WT1: variants seen among roughly 807,000 people sequenced by gnomAD.
The protein encoded by WT1 is Wilms tumor protein.
In WT1, 8 loss-of-function variants were observed where a neutral mutation model predicts 60.8. That is an observed-to-expected ratio of 0.13 (90% CI 0.08 to 0.24). The LOEUF (loss-of-function observed/expected upper bound fraction) is 0.24, where lower values mean the gene tolerates loss of function less well. Ranked by LOEUF, WT1 falls within the 10% of genes least tolerant of loss-of-function variation. WT1 has a pLI of 1.00. For missense variants in WT1, 568 were observed against 711.8 expected (o/e 0.80, Z 2.30); for synonymous variants, 312 against 297.1 (o/e 1.05, Z -0.52).
intron 3 of WT1, among the ~76,000 whole-genome samples, chr11:32,423,269 G>T (rs1852914193): frequency 6.6e-6 from 1 of 152,354 alleles, no homozygotes; most frequent in African/African-American, 2.4e-5. Flanking sequence ...CAGGGAGAAA[G>T]GTCTCTGCCC....
intron 3 of WT1, among the ~76,000 whole-genome samples, chr11:32,424,023 G>A (rs549590923): frequency 2.6e-5 from 4 of 152,064 alleles, no homozygotes; most frequent in African/African-American, 4.8e-5. Context: ...TTAGCCAGGC[G>A]TGGTGGCACA....
At chr11:32,412,808 C>T (rs1297094077) in intron 5 of WT1, among the ~76,000 whole-genome samples, 1 of 151,732 alleles carries the variant, frequency 6.6e-6, no homozygotes. Context: ...AATACATTCT[C>T]CCATTGGAGG....
chr11:32,429,279 C>T (rs5030157), intron 1 of WT1, among the ~76,000 whole-genome samples: 38,511 of 152,108 alleles, frequency 0.25, 5,871 homozygotes, highest in African/African-American at 0.42. Context: ...CCTCCTCCCC[C>T]CTATGGGACC....
intron 1 of WT1, among the ~76,000 whole-genome samples, chr11:32,432,945 C>T (rs990523600): frequency 2.0e-5 from 3 of 152,242 alleles, no homozygotes; most frequent in Non-Finnish European, 4.4e-5. Context: ...CACATGCAGA[C>T]AGTGCTCTCG....
chr11:32,388,410 A>G lies in WT1; in HGVS notation c.*648T>C, dbSNP rs1307321972. 3 of 234,110 alleles carry G rather than the reference A, an allele frequency of 1.3e-5. No homozygotes were observed. The highest frequency in any genetic ancestry group is 5.6e-5 in the Admixed American group (1 of 17,916). 14.5% of individuals were successfully genotyped at this position (234,110 alleles called of 1,614,324 possible). Reference sequence around the variant, plus strand: ...GTTCACATTGAATTAACTGAATGGTAAAATTCTTTTAGATTTCTATACAGA... The same window carrying G: ...GTTCACATTGAATTAACTGAATGGTGAAATTCTTTTAGATTTCTATACAGA... On this transcript the variant is annotated 3_prime_UTR_variant, in exon 10 of 10. Transcript: ENST00000452863.
At chr11:32,432,221 T>C (rs529983267) in intron 1 of WT1, among the ~76,000 whole-genome samples, 78 of 152,342 alleles carry the variant, frequency 5.1e-4, no homozygotes, top group African/African-American at 1.9e-3. Context: ...ATGGCTAGAC[T>C]GCCCTAGGGA....
chr11:32,403,723 C>T (rs1191206214), intron 5 of WT1, among the ~76,000 whole-genome samples: 3 of 151,710 alleles, frequency 2.0e-5, no homozygotes, highest in Non-Finnish European at 2.9e-5. Context: ...TGCAGGCACC[C>T]GCCACCACGC....
intron 5 of WT1, among the ~76,000 whole-genome samples, chr11:32,403,080 C>G (rs1402818139): frequency 6.6e-6 from 1 of 151,754 alleles, no homozygotes. Flanking sequence ...ATGCAAACCA[C>G]AAACAAAAGA....
chr11:32,411,068 T>TACACACACACACAC (rs10525221), intron 5 of WT1, among the ~76,000 whole-genome samples: 21,150 of 145,550 alleles, frequency 0.15, 2,053 homozygotes, highest in East Asian at 0.45. Flanking sequence ...CCCTCTCCAA[T>TACACACACACACAC]ACACACACAC....
intron 5 of WT1, 27 bp from the exon 6 acceptor site, chr11:32,400,071 C>A (rs1411206670): frequency 8.1e-6 from 13 of 1,612,358 alleles, no homozygotes; most frequent in Non-Finnish European, 1.1e-5. Context: ...GGGAAAAAGG[C>A]TCAGTGTGGC....
At chr11:32,397,011 C>A (rs948058344) in intron 6 of WT1, among the ~76,000 whole-genome samples, 3 of 152,238 alleles carry the variant, frequency 2.0e-5, no homozygotes, top group African/African-American at 7.2e-5. Context: ...CCAGCACAAC[C>A]TTTAATAGTG....
At chr11:32,398,326 C>T (rs1852036025) in intron 6 of WT1, among the ~76,000 whole-genome samples, 1 of 152,154 alleles carries the variant, frequency 6.6e-6, no homozygotes, top group Non-Finnish European at 1.5e-5. Context: ...ACTCAGGTTG[C>T]AGCCATGGAT....
chr11:32,404,074 C>G (rs1852238571), intron 5 of WT1, among the ~76,000 whole-genome samples: 1 of 151,436 alleles, frequency 6.6e-6, no homozygotes, highest in Non-Finnish European at 1.5e-5. Context: ...GAGATCGAGA[C>G]CAGCCTAGCC....
intron 3 of WT1, among the ~76,000 whole-genome samples, chr11:32,425,533 AC>A (rs1407270999): frequency 6.6e-6 from 1 of 152,192 alleles, no homozygotes; most frequent in African/African-American, 2.4e-5. Flanking sequence ...TGGTGCACAG[AC>A]CCAGGTTTAA....
At chr11:32,417,247 G>A (rs753136126) in intron 4 of WT1, among the ~76,000 whole-genome samples, 8 of 152,154 alleles carry the variant, frequency 5.3e-5, no homozygotes, top group Non-Finnish European at 1.5e-5. Flanking sequence ...TAAGATAGTG[G>A]AATGGTTAAC....
At chr11:32,406,425 G>A (rs1158188731) in intron 5 of WT1, among the ~76,000 whole-genome samples, 1 of 152,110 alleles carries the variant, frequency 6.6e-6, no homozygotes, top group African/African-American at 2.4e-5. Context: ...GAGGGATGGT[G>A]TGGCTATAAA....
At chr11:32,402,303 A>G (rs1852182017) in intron 5 of WT1, among the ~76,000 whole-genome samples, 2 of 152,228 alleles carry the variant, frequency 1.3e-5, no homozygotes, top group Non-Finnish European at 2.9e-5. Flanking sequence ...CCCAAAGAAC[A>G]TATGCCCTTC....
intron 5 of WT1, among the ~76,000 whole-genome samples, chr11:32,411,152 A>G (rs1167790600): frequency 6.6e-6 from 1 of 151,548 alleles, no homozygotes; most frequent in Non-Finnish European, 1.5e-5. Flanking sequence ...ACTGTTTCTC[A>G]TTTCCAACTT....
Position 32,410,620 on chromosome 11 carries a change from T to A in WT1, c.1016+5870A>T, listed in dbSNP as rs144984987. 3.5e-3 allele frequency among the ~76,000 whole-genome samples: 534 copies of A among 152,348 alleles called. 2 individuals are homozygous for A. Among genetic ancestry groups the A allele is most frequent in the African/African-American group, 0.012 (506 of 41,584 alleles). ...AGACAACAGATTAATTTTCTTTTCC[T>A]CTTTATAATGTTTTGGTCCCGTCTG... On this transcript the variant is annotated intron_variant, in intron 5 of 9. Transcript: ENST00000452863.
Sources: gnomAD v4.1 joint callset for allele counts (sites outside exome capture counted in the v4.1 genomes callset) on GRCh38, gnomAD v4.1.1 for gene constraint, MANE v1.5 for transcripts, NCBI Gene and HGNC (gene_info 2026-07-23, HGNC 2026-07-21) for gene names.